Variants in B4GALT1 observed in about 807,000 individuals in gnomAD.
B4GALT1 encodes the protein beta-1,4-galactosyltransferase 1, also known as N-acetyllactosamine synthase.
B4GALT1 carries 16 observed loss-of-function variants against 34.9 expected under a neutral mutation model. The observed-to-expected ratio is 0.46, with a 90% confidence interval of 0.31 to 0.70. The LOEUF (loss-of-function observed/expected upper bound fraction) is 0.70, where lower values mean the gene tolerates loss of function less well. Among genes scored for constraint, B4GALT1 ranks in the 30% least tolerant of loss-of-function variants. The pLI, the probability that B4GALT1 is intolerant of heterozygous loss-of-function variation, is 0.05. For synonymous variants in B4GALT1, 221 were observed against 218.1 expected (o/e 1.01, Z -0.12); for missense variants, 445 against 530.5 (o/e 0.84, Z 1.58).
intron 1 of B4GALT1, among the ~76,000 whole-genome samples, chr9:33,156,714 T>G (rs1840598714): frequency 6.6e-6 from 1 of 152,228 alleles, no homozygotes; most frequent in East Asian, 1.9e-4. Context: ...ATGAGTTAAA[T>G]GATCAGGCGC....
chr9:33,166,336 T>C (rs1387062602), intron 1 of B4GALT1, among the ~76,000 whole-genome samples: 1 of 152,062 alleles, frequency 6.6e-6, no homozygotes, highest in Non-Finnish European at 1.5e-5. Context: ...GAGGTCAGTC[T>C]CCTTCCCCAC....
chr9:33,117,760 T>A (rs1839961339), intron 3 of B4GALT1, among the ~76,000 whole-genome samples: 1 of 152,242 alleles, frequency 6.6e-6, no homozygotes, highest in African/African-American at 2.4e-5. Flanking sequence ...TAATTAGGTG[T>A]CATCACTTAG....
intron 1 of B4GALT1, among the ~76,000 whole-genome samples, chr9:33,147,825 G>A (rs1840451355): frequency 6.6e-6 from 1 of 152,172 alleles, no homozygotes; most frequent in African/African-American, 2.4e-5. Context: ...TTGAGGCCAG[G>A]AGTTCAAGAT....
the B4GALT1 span, among the ~76,000 whole-genome samples, chr9:33,174,986 A>C: frequency 8.5e-5 from 1 of 11,802 alleles, no homozygotes; most frequent in African/African-American, 2.3e-4. Flanking sequence ...AAAAAAAAAA[A>C]AAAAATATAT....
intron 4 of B4GALT1, among the ~76,000 whole-genome samples, chr9:33,114,391 T>C (rs1839910221): frequency 6.6e-6 from 1 of 152,138 alleles, no homozygotes; most frequent in African/African-American, 2.4e-5. Flanking sequence ...TCCTGGGGAC[T>C]GGTGACAAGG....
At chr9:33,121,826 A>G (rs897281554) in intron 2 of B4GALT1, among the ~76,000 whole-genome samples, 1 of 152,154 alleles carries the variant, frequency 6.6e-6, no homozygotes, top group African/African-American at 2.4e-5. Flanking sequence ...ACAATGGCAG[A>G]TGGTGATCCC....
intron 2 of B4GALT1, among the ~76,000 whole-genome samples, chr9:33,121,486 G>A (rs1053121678): frequency 1.3e-5 from 2 of 150,500 alleles, no homozygotes; most frequent in African/African-American, 2.4e-5. Context: ...CCTTAGCCTC[G>A]CGAGTAGCTG....
upstream of B4GALT1, chr9:33,167,337 G>T (rs964961743): frequency 1.6e-5 from 14 of 901,484 alleles, no homozygotes; most frequent in East Asian, 1.0e-4. Context: ...ACCTGGGAGC[G>T]GCGAGAAGCC....
intron 3 of B4GALT1, among the ~76,000 whole-genome samples, chr9:33,119,041 T>C (rs975180499): frequency 3.9e-5 from 6 of 152,110 alleles, no homozygotes; most frequent in African/African-American, 1.4e-4. Context: ...TTTGTATTTT[T>C]AGTAGAGACA....
upstream of B4GALT1, chr9:33,167,385 C>T: frequency 3.2e-6 from 1 of 308,974 alleles, no homozygotes; most frequent in Non-Finnish European, 5.0e-6. Context: ...GGCGGGGCCC[C>T]GGCGAAGGCG....
rs1397671305 is a variant in B4GALT1 at position 33,112,446 on chromosome 9, G to C, written c.*1008C>G. 1 of 152,624 alleles carries C rather than the reference G, an allele frequency of 6.6e-6. No homozygotes were observed. Among genetic ancestry groups the C allele is most frequent in the Non-Finnish European group, 1.5e-5 (1 of 68,044 alleles). The allele number at this position is 152,624 out of a possible 1,614,324, so 9.5% of individuals were successfully genotyped here. On this transcript the variant is annotated 3_prime_UTR_variant, in exon 6 of 6. Transcript: ENST00000379731. Reference sequence around the variant, plus strand: ...CTGACCGGGAGGCCTTACCTGCCAAGGGGCCAGAGGGTGATTTTGCTCTTG... The same window carrying C: ...CTGACCGGGAGGCCTTACCTGCCAACGGGCCAGAGGGTGATTTTGCTCTTG...
At chr9:33,171,774 C>T (rs959578328), upstream of B4GALT1, among the ~76,000 whole-genome samples, 1 of 152,144 alleles carries the variant, frequency 6.6e-6, no homozygotes. Flanking sequence ...AGGCTAGTCT[C>T]GAACTCCTGA....
chr9:33,178,261 G>C, the B4GALT1 span, among the ~76,000 whole-genome samples: 1 of 152,090 alleles, frequency 6.6e-6, no homozygotes, highest in African/African-American at 2.4e-5. Flanking sequence ...CAAAGTGCTG[G>C]GATTACAGGC....
chr9:33,143,845 A>G (rs1840387334), intron 1 of B4GALT1, among the ~76,000 whole-genome samples: 1 of 152,080 alleles, frequency 6.6e-6, no homozygotes, highest in African/African-American at 2.4e-5. Flanking sequence ...AAATGGTCAA[A>G]TATAATAACT....
downstream of B4GALT1, among the ~76,000 whole-genome samples, chr9:33,109,223 A>AT (rs78049112): frequency 0.043 from 6,582 of 152,266 alleles, 262 homozygotes; most frequent in East Asian, 0.11. Context: ...TGAAGCTTCC[A>AT]TAAAAACCAG....
chr9:33,175,497 T>C, the B4GALT1 span, among the ~76,000 whole-genome samples: 4 of 152,128 alleles, frequency 2.6e-5, no homozygotes, highest in Non-Finnish European at 5.9e-5. Flanking sequence ...GGAAATTTAC[T>C]CTCAAATACC....
At position 33,160,990 on chromosome 9, in the gene B4GALT1, C is replaced by G. The variant is rs1840666389; in HGVS notation, c.412+5768G>C. 1.3e-5 allele frequency among the ~76,000 whole-genome samples: 2 copies of G among 151,588 alleles called. 1 individual carries two copies. Among genetic ancestry groups the G allele is most frequent in the South Asian group, 4.2e-4 (2 of 4,802 alleles). On this transcript the variant is annotated intron_variant, in intron 1 of 5. Transcript: ENST00000379731. ...AAAAGCAAAGACCCATACCCCTATC[C>G]CTATCCCCAACATCTCTGTGAGGCA...
chr9:33,178,305 C>G, the B4GALT1 span, among the ~76,000 whole-genome samples: 1 of 152,114 alleles, frequency 6.6e-6, no homozygotes, highest in East Asian at 1.9e-4. Context: ...AAGATCTCTT[C>G]AGGCCAAGGC....
intron 2 of B4GALT1, chr9:33,104,808 A>G (rs1417551266): frequency 9.3e-6 from 4 of 429,970 alleles, no homozygotes; most frequent in Non-Finnish European, 1.8e-5. Context: ...ATAACAGAAA[A>G]TGCATCATTT....
Sources: gnomAD v4.1 joint callset for allele counts (sites outside exome capture counted in the v4.1 genomes callset) on GRCh38, gnomAD v4.1.1 for gene constraint, MANE v1.5 for transcripts, NCBI Gene and HGNC (gene_info 2026-07-23, HGNC 2026-07-21) for gene names.